The following DENND1A variants were observed in gnomAD, a reference collection of about 807,000 sequenced individuals.
DENND1A encodes the protein DENN domain containing 1A.
A neutral mutation model predicts 113.7 loss-of-function variants in DENND1A; 51 were observed. The observed-to-expected ratio is 0.45, with a 90% CI of 0.36 to 0.57. The LOEUF (loss-of-function observed/expected upper bound fraction) is 0.57. DENND1A is among the 20% of genes least tolerant of loss of function. The pLI, the probability that DENND1A is intolerant of heterozygous loss-of-function variation, is 0.00. For synonymous variants in DENND1A, 565 were observed against 570.8 expected (o/e 0.99, Z 0.14); for missense variants, 1,258 against 1,395.9 (o/e 0.90, Z 1.57).
At chr9:123,620,549 G>C (rs2060906636) in intron 10 of DENND1A, among the ~76,000 whole-genome samples, 1 of 152,154 alleles carries the variant, frequency 6.6e-6, no homozygotes, top group African/African-American at 2.4e-5. Context: ...CCAAGACTTT[G>C]ACTTCCAAAT....
intron 1 of DENND1A, among the ~76,000 whole-genome samples, chr9:123,913,829 C>G (rs938150299): frequency 4.0e-5 from 6 of 149,224 alleles, no homozygotes; most frequent in Non-Finnish European, 8.9e-5. Context: ...CGCTTGAACT[C>G]GGGAGGCGGA....
chr9:123,648,676 A>G (rs1290566513), intron 9 of DENND1A, among the ~76,000 whole-genome samples: 2 of 152,226 alleles, frequency 1.3e-5, no homozygotes, highest in Non-Finnish European at 2.9e-5. Context: ...TACAATGTAT[A>G]TTTTGGACCA....
chr9:123,889,188 G>C (rs964783930), intron 1 of DENND1A, among the ~76,000 whole-genome samples: 16 of 152,054 alleles, frequency 1.1e-4, no homozygotes, highest in African/African-American at 3.6e-4. Flanking sequence ...CAGGAGGCTT[G>C]GGTTCAAATC....
At chr9:123,804,603 T>C (rs1022286727) in intron 2 of DENND1A, among the ~76,000 whole-genome samples, 1 of 152,222 alleles carries the variant, frequency 6.6e-6, no homozygotes, top group African/African-American at 2.4e-5. Context: ...CTTCCAATTC[T>C]AGACTCATTT....
intron 19 of DENND1A, among the ~76,000 whole-genome samples, chr9:123,415,711 CCTCAT>C (rs549379833): frequency 1.3e-3 from 197 of 152,318 alleles, no homozygotes; most frequent in Admixed American, 2.0e-3. Flanking sequence ...GCCTCTGTGT[CCTCAT>C]CTGTGAGGCC....
intron 11 of DENND1A, among the ~76,000 whole-genome samples, chr9:123,607,994 T>C (rs1169130560): frequency 1.3e-5 from 2 of 152,134 alleles, no homozygotes; most frequent in Non-Finnish European, 2.9e-5. Context: ...TTACTTTGAA[T>C]TTCAATTTTT....
chr9:123,397,026 G>C (rs575258830), intron 21 of DENND1A, among the ~76,000 whole-genome samples: 3 of 152,328 alleles, frequency 2.0e-5, no homozygotes, highest in African/African-American at 7.2e-5. Flanking sequence ...ACAATCTCTT[G>C]AAGTCTCAGC....
chr9:123,738,479 G>GTGTGTC (rs2068741086), intron 5 of DENND1A, among the ~76,000 whole-genome samples: 1 of 150,832 alleles, frequency 6.6e-6, no homozygotes, highest in Non-Finnish European at 1.5e-5. Context: ...GTGTGTGTGT[G>GTGTGTC]TGTAGTGATG....
chr9:123,462,573 G>A (rs995217537), intron 13 of DENND1A, among the ~76,000 whole-genome samples: 2 of 152,126 alleles, frequency 1.3e-5, no homozygotes, highest in African/African-American at 2.4e-5. Flanking sequence ...GAGGTGGGCG[G>A]ATCACCTGTG....
intron 5 of DENND1A, among the ~76,000 whole-genome samples, chr9:123,727,956 A>G (rs566557247): frequency 6.6e-6 from 1 of 152,072 alleles, no homozygotes; most frequent in African/African-American, 2.4e-5. Context: ...AATACAAAAT[A>G]TTAGCCAGGC....
At chr9:123,895,579 G>T (rs1218557545) in intron 1 of DENND1A, among the ~76,000 whole-genome samples, 1 of 150,710 alleles carries the variant, frequency 6.6e-6, no homozygotes, top group Non-Finnish European at 1.5e-5. Context: ...CCGAGATTAT[G>T]CCACTGCACA....
chr9:123,685,864 C>T (rs948530268), intron 5 of DENND1A, among the ~76,000 whole-genome samples: 2 of 152,138 alleles, frequency 1.3e-5, no homozygotes, highest in Non-Finnish European at 1.5e-5. Context: ...ACCTGCAAGA[C>T]TTTCCCCATT....
intron 13 of DENND1A, among the ~76,000 whole-genome samples, chr9:123,493,420 T>C (rs1455677432): frequency 6.6e-6 from 1 of 152,070 alleles, no homozygotes; most frequent in African/African-American, 2.4e-5. Flanking sequence ...TGAAAGAGGA[T>C]GGGCGGTGCA....
chr9:123,382,939 A>C (rs1366692029), intron 23 of DENND1A, among the ~76,000 whole-genome samples: 2 of 152,202 alleles, frequency 1.3e-5, no homozygotes, highest in Non-Finnish European at 2.9e-5. Context: ...GATCGCAGGC[A>C]CCCGCAATCA....
At chr9:123,435,279 C>T (rs1239756633) in intron 19 of DENND1A, among the ~76,000 whole-genome samples, 2 of 152,190 alleles carry the variant, frequency 1.3e-5, no homozygotes, top group Non-Finnish European at 2.9e-5. Context: ...CATTTGCTAG[C>T]TCGGCATCTT....
intron 11 of DENND1A, among the ~76,000 whole-genome samples, chr9:123,607,500 C>CAA (rs2060211780): frequency 1.2e-5 from 1 of 81,776 alleles, no homozygotes; most frequent in African/African-American, 5.5e-5. Context: ...CACACACACA[C>CAA]ACACACACAC....
chr9:123,630,424 T>C lies in DENND1A; in HGVS notation c.671A>G (p.Gln224Arg). The C allele has an allele frequency of 6.2e-7, 1 of 1,605,024 alleles. No individual in the cohort carries two copies. Among genetic ancestry groups the C allele is most frequent in the Non-Finnish European group, 8.5e-7 (1 of 1,175,292 alleles). The change falls in exon 10 of 24, where the codon CAG becomes CGG. Residue 224 changes from glutamine to arginine, a missense_variant. Gln to Arg is a conservative substitution (Grantham distance 43, BLOSUM62 1). Around this residue, in one of 2 missense-constraint regions of DENND1A, gnomAD observed 1,159 missense variants for 1,231.7 expected, o/e 0.94. Coordinates refer to ENST00000394215, the MANE Select transcript of DENND1A (RefSeq NM_001352964.2). ...CGGCAGCACGGGGATGTACACGTGC[T>C]GCCAGTACATGGGGTAGAGCATCGC... Reference protein sequence around the residue: ...SAAMLYPMYWQHVYIPVLPPH... With the variant: ...SAAMLYPMYWRHVYIPVLPPH...
intron 2 of DENND1A, among the ~76,000 whole-genome samples, chr9:123,801,018 A>T (rs1590139581): frequency 6.6e-6 from 1 of 152,302 alleles, no homozygotes; most frequent in East Asian, 1.9e-4. Context: ...GCACATGCCC[A>T]TCAAACAGAG....
chr9:123,821,217 GA>G (rs924784392), intron 2 of DENND1A, among the ~76,000 whole-genome samples: 2 of 151,740 alleles, frequency 1.3e-5, no homozygotes, highest in African/African-American at 2.4e-5. Flanking sequence ...AAATTCATCA[GA>G]AAAAAATATG....
Sources: allele counts gnomAD v4.1 joint callset (sites outside exome capture counted in the v4.1 genomes callset), GRCh38; gene constraint gnomAD v4.1.1; regional missense constraint gnomAD v4.1.1; transcripts MANE v1.5; gene names NCBI Gene and HGNC (gene_info 2026-07-23, HGNC 2026-07-21).